The following NRG3 variants were observed in gnomAD, a reference collection of about 807,000 sequenced individuals.
The protein encoded by NRG3 is neuregulin 3, also known as pro-neuregulin-3, membrane-bound isoform.
Under a neutral mutation model 66.9 loss-of-function variants are expected in NRG3, and 31 were observed. That is an observed-to-expected ratio of 0.46 (90% CI 0.35 to 0.63). The LOEUF is 0.63. Ranked by LOEUF, NRG3 falls within the 20% of genes least tolerant of loss-of-function variation. The pLI is 0.00. For missense variants in NRG3, 910 were observed against 878.9 expected (o/e 1.04, Z -0.45); for synonymous variants, 393 against 359.4 (o/e 1.09, Z -1.06).
At position 82,679,497 on chromosome 10, in the gene NRG3, T is replaced by G. The variant is rs1017900609; in HGVS notation, c.954-59080T>G. Among the ~76,000 whole-genome samples the G allele has an allele frequency of 2.0e-5, 3 of 152,354 alleles. No homozygotes were observed. In the East Asian group the frequency reaches 5.8e-4, roughly 29 times the overall value. ...GCATTTTCTGTGCCAGGAACTGTTC[T>G]AAGTCTTTACATATATTAGCTCATT... On this transcript the variant is annotated intron_variant, in intron 2 of 8. Coordinates refer to ENST00000372141, the MANE Select transcript of NRG3 (RefSeq NM_001010848.4).
intron 1 of NRG3, among the ~76,000 whole-genome samples, chr10:81,951,154 T>TC (rs1417809205): frequency 6.6e-6 from 1 of 152,124 alleles, no homozygotes; most frequent in Non-Finnish European, 1.5e-5. Flanking sequence ...GTTTCTGATC[T>TC]CCATATGTAG....
At chr10:82,072,773 A>G (rs1348789473) in intron 1 of NRG3, among the ~76,000 whole-genome samples, 2 of 150,264 alleles carry the variant, frequency 1.3e-5, no homozygotes, top group Admixed American at 1.3e-4. Context: ...TTTTATTATT[A>G]TTATTTTTTA....
rs535992398 is a variant in NRG3, at chr10:82,437,752, C to A, written c.953+78884C>A. On this transcript the variant is annotated intron_variant, in intron 2 of 8. Transcript: ENST00000372141. ...CTTTTTGTTGTTGTTGTTGATGATG[C>A]TATTGTTGTTGCTTTCTTCTGGTTT... Among the ~76,000 whole-genome samples, 491 of 152,084 alleles carry A rather than the reference C, an allele frequency of 3.2e-3. 2 individuals are homozygous for A. Among genetic ancestry groups the A allele is most frequent in the Non-Finnish European group, 5.4e-3 (364 of 67,982 alleles).
intron 1 of NRG3, among the ~76,000 whole-genome samples, chr10:82,096,285 G>A (rs936382619): frequency 1.9e-4 from 29 of 152,162 alleles, no homozygotes; most frequent in African/African-American, 6.7e-4. Flanking sequence ...GACCATCTGC[G>A]CCAACATGGT....
chr10:82,388,699 T>C (rs930441134), intron 2 of NRG3, among the ~76,000 whole-genome samples: 2 of 152,182 alleles, frequency 1.3e-5, no homozygotes, highest in Admixed American at 1.3e-4. Flanking sequence ...AGACTCTAAA[T>C]TGATAGATAT....
intron 1 of NRG3, among the ~76,000 whole-genome samples, chr10:82,196,234 C>T (rs917208994): frequency 3.9e-5 from 6 of 152,108 alleles, no homozygotes; most frequent in South Asian, 4.1e-4. Flanking sequence ...TAAGGGGATA[C>T]TAAATAGATG....
At chr10:82,503,471 C>G (rs368692083) in intron 2 of NRG3, among the ~76,000 whole-genome samples, 3 of 152,256 alleles carry the variant, frequency 2.0e-5, no homozygotes, top group African/African-American at 7.2e-5. Context: ...TATCTGAAGT[C>G]AGTTTCTGTC....
intron 1 of NRG3, among the ~76,000 whole-genome samples, chr10:82,118,013 G>C (rs1156271586): frequency 1.3e-5 from 2 of 152,076 alleles, no homozygotes; most frequent in Admixed American, 1.3e-4. Context: ...GTTGGGAAGA[G>C]GGCCGGTAGC....
At chr10:82,144,795 CCTCCTGTATAAAAAGGGG>C (rs2070122615) in intron 1 of NRG3, among the ~76,000 whole-genome samples, 1 of 152,146 alleles carries the variant, frequency 6.6e-6, no homozygotes, top group Non-Finnish European at 1.5e-5. Flanking sequence ...ACTTCTGTTT[CCTCCTGTATAAAAAGGGG>C]ATACTGAAGC....
chr10:81,953,037 C>A (rs1231979099), intron 1 of NRG3, among the ~76,000 whole-genome samples: 1 of 152,160 alleles, frequency 6.6e-6, no homozygotes, highest in African/African-American at 2.4e-5. Flanking sequence ...CATCTGCCAT[C>A]CATAGCACTG....
intron 3 of NRG3, among the ~76,000 whole-genome samples, chr10:82,814,544 T>C (rs1565344243): frequency 2.0e-5 from 3 of 152,234 alleles, no homozygotes. Flanking sequence ...GTTAAATAAT[T>C]TAGTATTCTC....
intron 2 of NRG3, among the ~76,000 whole-genome samples, chr10:82,592,661 A>G (rs923891231): frequency 3.3e-5 from 5 of 152,174 alleles, no homozygotes; most frequent in African/African-American, 4.8e-5. Context: ...CCCACATTCA[A>G]TGAAAATGTG....
In NRG3 at chr10:81,976,426, T is replaced by C. The variant is rs186021492; in HGVS notation, c.823+100263T>C. Among the ~76,000 whole-genome samples the C allele has an allele frequency of 7.4e-4, 112 of 152,312 alleles. 1 individual carries two copies. Among genetic ancestry groups the C allele is most frequent in the African/African-American group, 2.2e-3 (91 of 41,572 alleles). ...CGAGCTTTTATTATGTAACAGACTTTATGCTAGATGCTGGAAATAGAAAGA... is the reference window on the plus strand; with the variant it reads ...CGAGCTTTTATTATGTAACAGACTTCATGCTAGATGCTGGAAATAGAAAGA... On this transcript the variant is annotated intron_variant, in intron 1 of 8. Transcript: ENST00000372141.
At chr10:82,032,682 GTTATTTAAT>G (rs535892083) in intron 1 of NRG3, among the ~76,000 whole-genome samples, 11 of 152,134 alleles carry the variant, frequency 7.2e-5, no homozygotes, top group African/African-American at 1.4e-4. Flanking sequence ...TTATAAGAAA[GTTATTTAAT>G]ATATTTTAAG....
chr10:82,091,576 G>A (rs1239334372), intron 1 of NRG3, among the ~76,000 whole-genome samples: 1 of 152,076 alleles, frequency 6.6e-6, no homozygotes, highest in Non-Finnish European at 1.5e-5. Context: ...TAGTTGATTT[G>A]GTTGCCTCTG....
Position 81,894,974 on chromosome 10 carries a change from C to T in NRG3, c.823+18811C>T, listed in dbSNP as rs139607331. 1.8e-4 allele frequency among the ~76,000 whole-genome samples: 28 copies of T among 152,260 alleles called. No individual in the cohort carries two copies. The East Asian group carries it at 3.3e-3, about 18-fold the overall frequency. ...TCACCAGTGACACTGGCTTTTCAAA[C>T]GTCACATCATAAAAATAGAGCCACC... On this transcript the variant is annotated intron_variant, in intron 1 of 8. Coordinates refer to ENST00000372141, the MANE Select transcript of NRG3 (RefSeq NM_001010848.4).
intron 1 of NRG3, among the ~76,000 whole-genome samples, chr10:82,198,263 TC>T (rs1295658086): frequency 4.0e-5 from 6 of 151,760 alleles, no homozygotes; most frequent in Non-Finnish European, 8.8e-5. Context: ...AAACACTACT[TC>T]CTTGGGTGGC....
chr10:82,184,910 A>T (rs149864165), intron 1 of NRG3, among the ~76,000 whole-genome samples: 47 of 152,280 alleles, frequency 3.1e-4, no homozygotes, highest in Non-Finnish European at 4.1e-4. Flanking sequence ...ATTTATATCT[A>T]ATTTGAAATG....
intron 3 of NRG3, among the ~76,000 whole-genome samples, chr10:82,779,202 C>T (rs762137241): frequency 6.6e-6 from 1 of 152,124 alleles, no homozygotes; most frequent in Non-Finnish European, 1.5e-5. Flanking sequence ...GGCTTAGAAC[C>T]TGTGAACACT....
Sources: gnomAD v4.1 joint callset for allele counts (sites outside exome capture counted in the v4.1 genomes callset) on GRCh38, gnomAD v4.1.1 for gene constraint, MANE v1.5 for transcripts, NCBI Gene and HGNC (gene_info 2026-07-23, HGNC 2026-07-21) for gene names.